HUNK: variants seen among roughly 807,000 people sequenced by gnomAD.
HUNK encodes the protein hormonally up-regulated Neu-associated kinase.
In HUNK, 21 loss-of-function variants were observed where a neutral mutation model predicts 61.0. The observed-to-expected ratio is 0.34, with a 90% confidence interval of 0.24 to 0.50. The LOEUF is 0.50. Among genes scored for constraint, HUNK ranks in the 20% least tolerant of loss-of-function variants. The probability of loss-of-function intolerance (pLI) is 0.98; values close to 1 mark genes in which losing one functional copy is unlikely to be tolerated. For missense variants in HUNK, 772 were observed against 945.7 expected, an observed-to-expected ratio of 0.82 and a Z score of 2.41; for synonymous variants, 371 against 386.1, an observed-to-expected ratio of 0.96 and a Z score of 0.46.
At chr21:31,919,290 C>T (rs73346738) in intron 1 of HUNK, among the ~76,000 whole-genome samples, 8,451 of 151,624 alleles carry the variant, frequency 0.056, 833 homozygotes, top group African/African-American at 0.19. Context: ...TAGATCACCT[C>T]ATTGCCTTGT....
chr21:31,932,832 C>T lies in HUNK; in HGVS notation c.555-7333C>T, dbSNP rs553588438. 3.9e-5 allele frequency among the ~76,000 whole-genome samples: 6 copies of T among 151,914 alleles called. No individual in the cohort carries two copies. The East Asian group carries it at 1.2e-3, about 29-fold the overall frequency. ...TGGTATATCGGTGTTGCCTGTTGTTCCTAAGACATCCCCTGCACCCCTGCA... is the reference window on the plus strand; with the variant it reads ...TGGTATATCGGTGTTGCCTGTTGTTTCTAAGACATCCCCTGCACCCCTGCA... On this transcript the variant is annotated intron_variant, in intron 2 of 10. Coordinates refer to ENST00000270112, the MANE Select transcript of HUNK (RefSeq NM_014586.2).
intron 1 of HUNK, among the ~76,000 whole-genome samples, chr21:31,886,317 G>T (rs1671691368): frequency 6.6e-6 from 1 of 151,462 alleles, no homozygotes. Context: ...AGCTACTCGG[G>T]AAGCTGAGGC....
intron 2 of HUNK, among the ~76,000 whole-genome samples, chr21:31,928,362 A>T (rs1198496212): frequency 6.6e-6 from 1 of 152,206 alleles, no homozygotes; most frequent in Non-Finnish European, 1.5e-5. Flanking sequence ...AATTCTCAAC[A>T]GCCCTTTTAA....
rs797019661 is a variant in HUNK, at chr21:31,888,415, CAT to C, written c.261+14481_261+14482del. Among the ~76,000 whole-genome samples, 36 of 152,252 alleles carry C rather than the reference CAT, an allele frequency of 2.4e-4. 1 individual carries two copies. The highest frequency in any genetic ancestry group is 7.7e-4 in the African/African-American group (32 of 41,544). Reference sequence around the variant, plus strand: ...CAGATCTACCATCTTTATGGGTTCACATGAGATGAGGAGCTTGAGCTATTAAT... The same window carrying C: ...CAGATCTACCATCTTTATGGGTTCACGAGATGAGGAGCTTGAGCTATTAAT... On this transcript the variant is annotated intron_variant, in intron 1 of 10. Coordinates refer to ENST00000270112, the MANE Select transcript of HUNK (RefSeq NM_014586.2).
chr21:31,995,915 C>T lies in HUNK; in HGVS notation c.1453C>T (p.Arg485Trp), dbSNP rs762096000. 4.5e-5 allele frequency: 73 copies of T among 1,613,686 alleles called. No individual in the cohort carries two copies. The highest frequency in any genetic ancestry group is 4.2e-4 in the East Asian group (19 of 44,886). The change falls in exon 10 of 11, where the codon CGG becomes TGG. Residue 485 changes from arginine (R) to tryptophan (W), a missense_variant. Transcript: ENST00000270112. ...IQNTKALLKD[R>W]KASKSSFPDK... ...GAACACCAAAGCCCTCCTGAAGGAC[C>T]GGAAGGCCTCCAAGTCCAGCTTCCC...
chr21:31,895,569 C>T (rs2052419391), intron 1 of HUNK, among the ~76,000 whole-genome samples: 7 of 152,146 alleles, frequency 4.6e-5, no homozygotes, highest in Admixed American at 4.6e-4. Context: ...GGGAGAGGCC[C>T]ATCCATCTCT....
intron 6 of HUNK, among the ~76,000 whole-genome samples, chr21:31,970,835 T>TCCTG (rs1197559187): frequency 1.3e-5 from 2 of 152,276 alleles, no homozygotes; most frequent in East Asian, 3.9e-4. Flanking sequence ...GATAGGCAAC[T>TCCTG]CCTATCCTGT....
intron 8 of HUNK, among the ~76,000 whole-genome samples, chr21:31,983,860 C>G (rs143276482): frequency 1.6e-4 from 24 of 152,276 alleles, no homozygotes; most frequent in African/African-American, 5.8e-4. Flanking sequence ...CAGGCCGCAC[C>G]TGGGACCCAT....
chr21:31,918,433 G>A (rs550959448), intron 1 of HUNK, among the ~76,000 whole-genome samples: 4 of 152,198 alleles, frequency 2.6e-5, no homozygotes, highest in Non-Finnish European at 5.9e-5. Flanking sequence ...TGCAGCTGCT[G>A]TAACAAATGA....
At chr21:31,877,289 G>A (rs771637766) in intron 1 of HUNK, among the ~76,000 whole-genome samples, 1 of 152,082 alleles carries the variant, frequency 6.6e-6, no homozygotes, top group African/African-American at 2.4e-5. Flanking sequence ...AAAAGCTTTG[G>A]GTGAAATCCT....
intron 1 of HUNK, among the ~76,000 whole-genome samples, chr21:31,909,046 C>T (rs1305070403): frequency 6.6e-6 from 1 of 152,166 alleles, no homozygotes; most frequent in Non-Finnish European, 1.5e-5. Context: ...ACTCATCTCC[C>T]CTTAAGATTC....
intron 9 of HUNK, among the ~76,000 whole-genome samples, chr21:31,993,877 TG>T (rs2053186646): frequency 6.6e-6 from 1 of 152,166 alleles, no homozygotes; most frequent in African/African-American, 2.4e-5. Flanking sequence ...CAGATCCCAC[TG>T]CAGGAGCCTA....
chr21:31,889,923 G>A (rs1003381579), intron 1 of HUNK, among the ~76,000 whole-genome samples: 1 of 152,052 alleles, frequency 6.6e-6, no homozygotes, highest in Non-Finnish European at 1.5e-5. Context: ...TTACTCAACA[G>A]TGCATTTATT....
intron 1 of HUNK, among the ~76,000 whole-genome samples, chr21:31,884,634 T>C (rs2052333007): frequency 2.0e-5 from 3 of 151,994 alleles, no homozygotes; most frequent in Non-Finnish European, 2.9e-5. Flanking sequence ...AAGGAGCTTG[T>C]TTGTCCTTCC....
chr21:31,975,478 T>A (rs753818735), intron 7 of HUNK, among the ~76,000 whole-genome samples: 2 of 152,224 alleles, frequency 1.3e-5, no homozygotes, highest in Non-Finnish European at 2.9e-5. Flanking sequence ...TTACTCAGAA[T>A]GGTGGGTGCT....
intron 1 of HUNK, among the ~76,000 whole-genome samples, chr21:31,892,914 C>G (rs112132952): frequency 7.9e-5 from 12 of 152,130 alleles, no homozygotes; most frequent in African/African-American, 2.9e-4. Context: ...GTTCCTTGGG[C>G]GCATCCTGCC....
At chr21:31,875,119 G>A (rs960928813) in intron 1 of HUNK, among the ~76,000 whole-genome samples, 1 of 152,178 alleles carries the variant, frequency 6.6e-6, no homozygotes, top group Admixed American at 6.5e-5. Context: ...GAGGGAAGGC[G>A]GAGTTCACTT....
chr21:31,974,718 G>T lies in HUNK; in HGVS notation c.1173+1G>T. 6.2e-7 allele frequency: 1 copy of T among 1,612,412 alleles called. No individual in the cohort carries two copies. Among genetic ancestry groups the T allele is most frequent in the Non-Finnish European group, 8.5e-7 (1 of 1,179,278 alleles). ...GAAACTGGAGCGCTATTTGTCAGGG[G>T]TAAGTGCGACCCTAGAGGCGATCGT... On this transcript the variant is annotated splice_donor_variant, in intron 7 of 10. Coordinates refer to ENST00000270112, the MANE Select transcript of HUNK (RefSeq NM_014586.2). LOFTEE classifies it high-confidence loss of function.
chr21:31,975,572 C>T (rs1439195267), intron 7 of HUNK, among the ~76,000 whole-genome samples: 3 of 152,120 alleles, frequency 2.0e-5, no homozygotes, highest in Non-Finnish European at 2.9e-5. Context: ...TTCACTTTCA[C>T]GAGGGACCAC....
Sources: gnomAD v4.1 joint callset for allele counts (sites outside exome capture counted in the v4.1 genomes callset) on GRCh38, gnomAD v4.1.1 for gene constraint, MANE v1.5 for transcripts, NCBI Gene and HGNC (gene_info 2026-07-23, HGNC 2026-07-21) for gene names.